The following PLEK2 variants were observed in gnomAD, a reference collection of about 807,000 sequenced individuals.
The protein encoded by PLEK2 is pleckstrin-2.
A neutral mutation model predicts 43.8 loss-of-function variants in PLEK2; 29 were observed. The ratio of observed to expected loss-of-function variants is 0.66; its 90% CI spans 0.49 to 0.90. The LOEUF is 0.90. PLEK2 is among the 40% of genes least tolerant of loss of function. The probability of loss-of-function intolerance (pLI) is 0.00; values close to 1 mark genes in which losing one functional copy is unlikely to be tolerated. For synonymous variants in PLEK2, 162 were observed against 173.2 expected (o/e 0.94, Z 0.51); for missense variants, 398 against 448.1 (o/e 0.89, Z 1.01).
chr14:67,394,632 A>T (rs541357963), intron 3 of PLEK2, among the ~76,000 whole-genome samples: 12 of 152,146 alleles, frequency 7.9e-5, no homozygotes, highest in African/African-American at 2.9e-4. Context: ...ATGGATTCAT[A>T]CATCTTTGAT....
rs56885080 is a variant in PLEK2 at position 67,406,258 on chromosome 14, C to CAAA, written c.42+5757_42+5759dup. On this transcript the variant is annotated intron_variant, in intron 1 of 8. Transcript: ENST00000216446. ...TCGGTGAAAGAGCAAGATTCCATCT[C>CAAA]AAAAAAAAAAAAAAAATGCTAACTT... 6.4e-3 allele frequency among the ~76,000 whole-genome samples: 689 copies of CAAA among 107,236 alleles called. 23 individuals are homozygous for CAAA. The East Asian group carries it at 0.12, about 19-fold the overall frequency. 70.4% of individuals were successfully genotyped at this position (107,236 alleles called of 152,430 possible). A position where few individuals can be genotyped will look rare whatever the true frequency, so the allele number is the denominator to read the frequency against.
intron 3 of PLEK2, among the ~76,000 whole-genome samples, chr14:67,393,965 G>A (rs1261429688): frequency 6.6e-6 from 1 of 152,142 alleles, no homozygotes; most frequent in Non-Finnish European, 1.5e-5. Flanking sequence ...GGCCAGCAGG[G>A]ACATCACTTC....
At position 67,407,835 on chromosome 14, in the gene PLEK2, C is replaced by T. The variant is rs1360603514; in HGVS notation, c.42+4183G>A. ...GAAAAGCAGAGATGCCAGCTGGGCC[C>T]AGTGGTGTGTACTTGTAGTCCCAGC... On this transcript the variant is annotated intron_variant, in intron 1 of 8. Coordinates refer to ENST00000216446, the MANE Select transcript of PLEK2 (RefSeq NM_016445.3). 3.9e-5 allele frequency among the ~76,000 whole-genome samples: 6 copies of T among 152,182 alleles called. No individual in the cohort carries two copies. The East Asian group carries it at 1.2e-3, about 29-fold the overall frequency.
chr14:67,405,163 G>A (rs2086070572), intron 1 of PLEK2, among the ~76,000 whole-genome samples: 1 of 148,894 alleles, frequency 6.7e-6, no homozygotes, highest in Non-Finnish European at 1.5e-5. Flanking sequence ...AATCCTGGAA[G>A]TGGAGGTTGC....
Position 67,393,201 on chromosome 14 carries a change from G to A in PLEK2, c.430C>T (p.Arg144Cys), listed in dbSNP as rs1411781769. The A allele has an allele frequency of 7.4e-6, 12 of 1,613,984 alleles. No individual in the cohort carries two copies. The highest frequency in any genetic ancestry group is 4.0e-5 in the African/African-American group (3 of 75,032). ...DKMHDSNTGI[R>C]SSPNMEQGST... Reference sequence around the variant, plus strand: ...CCCTGCTCCATGTTGGGGCTTGAACGGATTCCGGTGTTGCTATCGTGCATC... The same window carrying A: ...CCCTGCTCCATGTTGGGGCTTGAACAGATTCCGGTGTTGCTATCGTGCATC... The change falls in exon 4 of 9, where the codon CGT becomes TGT. Residue 144 changes from arginine to cysteine, a missense_variant. Physicochemically the swap from Arg to Cys is radical, Grantham distance 180. Transcript: ENST00000216446.
Position 67,395,444 on chromosome 14 carries a change from C to T in PLEK2, c.347G>A (p.Ser116Asn). 3 of 1,614,030 alleles carry T rather than the reference C, an allele frequency of 1.9e-6. No individual in the cohort carries two copies. The highest frequency in any genetic ancestry group is 2.5e-6 in the Non-Finnish European group (3 of 1,179,906). The change falls in exon 3 of 9, where the codon AGC becomes AAC. Residue 116 changes from serine (S) to asparagine (N), a missense_variant. By Grantham distance (46) the Ser-to-Asn change is conservative. Transcript: ENST00000216446. Reference sequence around the variant, plus strand: ...GGGCAGCTTGAAGGAGTTTCTCAGGCTGTGCAGCTGCTGGACCTTCCCCGG... The same window carrying T: ...GGGCAGCTTGAAGGAGTTTCTCAGGTTGTGCAGCTGCTGGACCTTCCCCGG... ...GQPGKVQQLH[S>N]LRNSFKLPPH... is the part of the protein sequence containing the mutation.
Position 67,387,315 on chromosome 14 carries a change from C to T in PLEK2, c.*14G>A. The T allele has an allele frequency of 1.2e-6, 2 of 1,600,176 alleles. No homozygotes were observed. Among genetic ancestry groups the T allele is most frequent in the Non-Finnish European group, 1.7e-6 (2 of 1,175,522 alleles). On this transcript the variant is annotated 3_prime_UTR_variant, in exon 9 of 9. Transcript: ENST00000216446. ...CTGGTAGGAGGGAGGAATCCTGGTT[C>T]CCTCAGGTCCTTGTCATGTTAGCTT...
chr14:67,409,379 C>T (rs865918937), intron 1 of PLEK2, among the ~76,000 whole-genome samples: 1 of 152,134 alleles, frequency 6.6e-6, no homozygotes, highest in South Asian at 2.1e-4. Context: ...CTCATCTCTA[C>T]AAAAATACAA....
intron 1 of PLEK2, among the ~76,000 whole-genome samples, chr14:67,411,484 A>T (rs1235909399): frequency 6.6e-6 from 1 of 152,072 alleles, no homozygotes; most frequent in East Asian, 1.9e-4. Context: ...TCTGATCCCG[A>T]TCCTGGCTCC....
At chr14:67,393,536 C>T (rs2085985019) in intron 3 of PLEK2, among the ~76,000 whole-genome samples, 2 of 152,088 alleles carry the variant, frequency 1.3e-5, no homozygotes, top group African/African-American at 4.8e-5. Context: ...TAACTGTGAC[C>T]TCCGCCTCCC....
At chr14:67,411,298 T>G (rs2086113405) in intron 1 of PLEK2, among the ~76,000 whole-genome samples, 1 of 152,162 alleles carries the variant, frequency 6.6e-6, no homozygotes, top group Non-Finnish European at 1.5e-5. Flanking sequence ...GGGGAAGGAC[T>G]GAGGAGGGGA....
intron 1 of PLEK2, among the ~76,000 whole-genome samples, chr14:67,409,618 G>A (rs2139905539): frequency 6.6e-6 from 1 of 152,098 alleles, no homozygotes; most frequent in South Asian, 2.1e-4. Context: ...TGACAGCCAG[G>A]CCCAGTGAGC....
intron 1 of PLEK2, among the ~76,000 whole-genome samples, chr14:67,402,629 A>G (rs2139881925): frequency 6.6e-6 from 1 of 152,070 alleles, no homozygotes; most frequent in East Asian, 1.9e-4. Flanking sequence ...CTCTAAGTCC[A>G]TGAGTTGTTT....
intron 1 of PLEK2, among the ~76,000 whole-genome samples, chr14:67,401,271 G>A (rs1338481217): frequency 6.6e-6 from 1 of 151,700 alleles, no homozygotes; most frequent in Non-Finnish European, 1.5e-5. Context: ...AGGATTGCTT[G>A]AGCCCAGGAG....
intron 1 of PLEK2, among the ~76,000 whole-genome samples, chr14:67,401,421 A>T (rs1311917585): frequency 6.6e-6 from 1 of 151,930 alleles, no homozygotes; most frequent in Non-Finnish European, 1.5e-5. Flanking sequence ...CTGAGGTGGG[A>T]GGATTGCTGG....
intron 1 of PLEK2, among the ~76,000 whole-genome samples, chr14:67,405,817 C>T (rs965668079): frequency 3.9e-5 from 6 of 152,198 alleles, no homozygotes; most frequent in Admixed American, 6.5e-5. Context: ...TGTAGGTGAG[C>T]TCAGAATTGG....
chr14:67,389,303 A>G (rs967703276), intron 7 of PLEK2, among the ~76,000 whole-genome samples: 1 of 152,090 alleles, frequency 6.6e-6, no homozygotes, highest in East Asian at 1.9e-4. Flanking sequence ...CCCAGCCTGG[A>G]GGGTTCAAGG....
At chr14:67,406,499 A>G (rs554132198) in intron 1 of PLEK2, among the ~76,000 whole-genome samples, 2 of 152,190 alleles carry the variant, frequency 1.3e-5, no homozygotes, top group East Asian at 1.9e-4. Context: ...CCGTGGTTCT[A>G]TATGGCTTGG....
intron 2 of PLEK2, among the ~76,000 whole-genome samples, chr14:67,396,291 A>G (rs56829205): frequency 0.19 from 26,060 of 135,160 alleles, 294 homozygotes; most frequent in African/African-American, 0.41. Flanking sequence ...GGGACTACAG[A>G]CGCCCACCAC....
Sources: allele counts gnomAD v4.1 joint callset (sites outside exome capture counted in the v4.1 genomes callset), GRCh38; gene constraint gnomAD v4.1.1; transcripts MANE v1.5; gene names NCBI Gene and HGNC (gene_info 2026-07-23, HGNC 2026-07-21).